The following IL15RA variants were observed in gnomAD, a reference collection of about 807,000 sequenced individuals.
The protein encoded by IL15RA is interleukin 15 receptor subunit alpha.
IL15RA carries 26 observed loss-of-function variants against 24.2 expected under a neutral mutation model. The observed-to-expected ratio is 1.07, with a 90% confidence interval of 0.79 to 1.49. The LOEUF (loss-of-function observed/expected upper bound fraction) is 1.49, where lower values mean the gene tolerates loss of function less well. Among genes scored for constraint, IL15RA ranks in the 40% most tolerant of loss-of-function variants. IL15RA has a pLI of 0.00. For missense variants in IL15RA, 354 were observed against 356.4 expected, an observed-to-expected ratio of 0.99 and a Z score of 0.05; for synonymous variants, 166 against 157.6, an observed-to-expected ratio of 1.05 and a Z score of -0.40.
chr10:5,966,085 C>T lies in IL15RA; in HGVS notation c.283+60G>A, dbSNP rs1564507143. ...CTTGACCCCTGAGATGGGGTCTTCT[C>T]TCTGTGCAGCCTTGGCAGGGTGGGG... is the stretch of plus-strand genomic sequence containing the variant. On this transcript the variant is annotated intron_variant, in intron 2 of 6. Coordinates refer to ENST00000379977, the MANE Select transcript of IL15RA (RefSeq NM_002189.4). This position sits in a 1 kb window ranked among gnomAD's most constrained non-coding sequence, Gnocchi z 6.4. The T allele has an allele frequency of 2.5e-6, 3 of 1,221,104 alleles. No homozygotes were observed. Among genetic ancestry groups the T allele is most frequent in the East Asian group, 2.4e-5 (1 of 42,032 alleles). The allele number at this position is 1,221,104 out of a possible 1,614,324, so 75.6% of individuals were successfully genotyped here. A position where few individuals can be genotyped will look rare whatever the true frequency, so the allele number is the denominator to read the frequency against.
rs745967046 is a variant in IL15RA at position 5,955,814 on chromosome 10, C to T, written c.692+565G>A. Among the ~76,000 whole-genome samples, 1 of 152,116 alleles carries T rather than the reference C, an allele frequency of 6.6e-6. No individual in the cohort carries two copies. Among genetic ancestry groups the T allele is most frequent in the African/African-American group, 2.4e-5 (1 of 41,440 alleles). ...CAAGAAGAATGGGTAGGACTGCACG[C>T]GTTGGCCACCTGGTGCACTTTCTCT... On this transcript the variant is annotated intron_variant, in intron 6 of 6. Coordinates refer to ENST00000379977, the MANE Select transcript of IL15RA (RefSeq NM_002189.4). The surrounding 1 kb of genome is among the most constrained non-coding windows in gnomAD (Gnocchi z 5.3).
chr10:5,961,659 G>A lies in IL15RA; in HGVS notation c.383-1092C>T, dbSNP rs148561550. On this transcript the variant is annotated intron_variant, in intron 3 of 6. Coordinates refer to ENST00000379977, the MANE Select transcript of IL15RA (RefSeq NM_002189.4). This position sits in a 1 kb window ranked among gnomAD's most constrained non-coding sequence, Gnocchi z 5.2. ...GAACAGAGGCTGCCTTGTGTTCAGC[G>A]TCTTCCCTGTCTTCCTTGTCCTTCC... Among the ~76,000 whole-genome samples the A allele has an allele frequency of 8.0e-4, 122 of 152,358 alleles. No homozygotes were observed. Among genetic ancestry groups the A allele is most frequent in the African/African-American group, 2.7e-3 (114 of 41,578 alleles).
chr10:5,978,435 C>T (rs981277929), upstream of IL15RA, among the ~76,000 whole-genome samples: 2 of 152,140 alleles, frequency 1.3e-5, no homozygotes, highest in African/African-American at 4.8e-5. This position sits in a 1 kb window ranked among gnomAD's most constrained non-coding sequence, Gnocchi z 5.2. Context: ...GAGACATCTC[C>T]AAGCCTCGGT....
chr10:5,968,379 T>C lies in IL15RA; in HGVS notation c.89-2040A>G, dbSNP rs1231375553. On this transcript the variant is annotated intron_variant, in intron 1 of 6. Transcript: ENST00000379977. The surrounding 1 kb of genome is among the most constrained non-coding windows in gnomAD (Gnocchi z 5.4). The stretch of plus-strand genomic sequence containing the variant: ...GAGGGGAGAAATCTCAAATTCAAGA[T>C]TGTTCTTTCCATTCAACTCCCATCC... 6.6e-6 allele frequency among the ~76,000 whole-genome samples: 1 copy of C among 152,064 alleles called. No individual in the cohort carries two copies. Among genetic ancestry groups the C allele is most frequent in the Non-Finnish European group, 1.5e-5 (1 of 68,006 alleles).
Position 5,964,411 on chromosome 10 carries a change from T to G in IL15RA, c.284-570A>C, listed in dbSNP as rs1267976711. Among the ~76,000 whole-genome samples, 1 of 152,054 alleles carries G rather than the reference T, an allele frequency of 6.6e-6. No individual in the cohort carries two copies. The highest frequency in any genetic ancestry group is 1.5e-5 in the Non-Finnish European group (1 of 67,990). ...CGAACTCCTGGTCTCAAGAAATCCCTCCCATCTCGGCCTCCCAAAGTGCTG... is the reference window on the plus strand; with the variant it reads ...CGAACTCCTGGTCTCAAGAAATCCCGCCCATCTCGGCCTCCCAAAGTGCTG... On this transcript the variant is annotated intron_variant, in intron 2 of 6. Coordinates refer to ENST00000379977, the MANE Select transcript of IL15RA (RefSeq NM_002189.4). The surrounding 1 kb of genome is among the most constrained non-coding windows in gnomAD (Gnocchi z 5.6).
In IL15RA at chr10:5,975,936, T is replaced by C. The variant is rs925999712; in HGVS notation, c.88+1469A>G. On this transcript the variant is annotated intron_variant, in intron 1 of 6. Coordinates refer to ENST00000379977, the MANE Select transcript of IL15RA (RefSeq NM_002189.4). This position sits in a 1 kb window ranked among gnomAD's most constrained non-coding sequence, Gnocchi z 4.8. ...GAAAGAAAAAGAAAAAGAAAAAACA[T>C]TGAGAGCTTTGGGAAGGGAAGGTAG... is the stretch of plus-strand genomic sequence containing the variant. 1.3e-5 allele frequency among the ~76,000 whole-genome samples: 2 copies of C among 151,822 alleles called. No homozygotes were observed. Among genetic ancestry groups the C allele is most frequent in the African/African-American group, 4.8e-5 (2 of 41,316 alleles).
In IL15RA at chr10:5,964,271, G is replaced by C. The variant is rs1169057664; in HGVS notation, c.284-430C>G. Among the ~76,000 whole-genome samples, 1 of 152,128 alleles carries C rather than the reference G, an allele frequency of 6.6e-6. No individual in the cohort carries two copies. The highest frequency in any genetic ancestry group is 1.5e-5 in the Non-Finnish European group (1 of 68,028). On this transcript the variant is annotated intron_variant, in intron 2 of 6. Transcript: ENST00000379977. The surrounding 1 kb of genome is among the most constrained non-coding windows in gnomAD (Gnocchi z 5.6). The stretch of plus-strand genomic sequence containing the variant: ...CCTCCCGGGCTCAAGAGATCCTCCT[G>C]CCTCAGTCTCCTGAGTAGCTGGGAC...
Position 5,964,998 on chromosome 10 carries a change from C to A in IL15RA, c.283+1147G>T, listed in dbSNP as rs1046704114. On this transcript the variant is annotated intron_variant, in intron 2 of 6. Coordinates refer to ENST00000379977, the MANE Select transcript of IL15RA (RefSeq NM_002189.4). This position sits in a 1 kb window ranked among gnomAD's most constrained non-coding sequence, Gnocchi z 5.6. The stretch of plus-strand genomic sequence containing the variant: ...AGGAGGCTGAGCTACCACTACCAAG[C>A]CAGTGGCAATGTCCAGCGCCTCAAG... Among the ~76,000 whole-genome samples, 2 of 152,184 alleles carry A rather than the reference C, an allele frequency of 1.3e-5. No individual in the cohort carries two copies. Among genetic ancestry groups the A allele is most frequent in the African/African-American group, 4.8e-5 (2 of 41,442 alleles).
downstream of IL15RA, chr10:5,949,305 A>T (rs1209941508): frequency 1.5e-5 from 7 of 471,116 alleles, no homozygotes; most frequent in Non-Finnish European, 3.1e-5. The surrounding 1 kb of genome is among the most constrained non-coding windows in gnomAD (Gnocchi z 4.4). Flanking sequence ...CTGAATAGCT[A>T]AGAACAGCAC....
In IL15RA at chr10:5,952,919, T is replaced by C; in HGVS notation, c.*176A>G. 1 of 619,602 alleles carries C rather than the reference T, an allele frequency of 1.6e-6. No individual in the cohort carries two copies. Among genetic ancestry groups the C allele is most frequent in the Non-Finnish European group, 2.9e-6 (1 of 346,096 alleles). The allele number at this position is 619,602 out of a possible 1,614,324, so 38.4% of individuals were successfully genotyped here. On this transcript the variant is annotated 3_prime_UTR_variant, in exon 7 of 7. Transcript: ENST00000379977. ...GGTGCCCATGGGAATGCGGAGAACC[T>C]GCTCCCTCGCGCAGGAGGCGCCGAC... is the stretch of plus-strand genomic sequence containing the variant.
Position 5,963,696 on chromosome 10 carries a change from G to T in IL15RA, c.382+47C>A, listed in dbSNP as rs767594407. 3 of 1,255,770 alleles carry T rather than the reference G, an allele frequency of 2.4e-6. No individual in the cohort carries two copies. The South Asian group carries it at 4.8e-5, about 20-fold the overall frequency. 77.8% of individuals were successfully genotyped at this position (1,255,770 alleles called of 1,614,324 possible). ...GCAGGATTGGTGAGCGGGCCTCTGG[G>T]TGTTGGGAGGGAATGAATGTCCTCG... On this transcript the variant is annotated intron_variant, in intron 3 of 6. Transcript: ENST00000379977. This position sits in a 1 kb window ranked among gnomAD's most constrained non-coding sequence, Gnocchi z 5.3.
chr10:5,969,729 T>C (rs1373599188), intron 1 of IL15RA, among the ~76,000 whole-genome samples: 1 of 152,240 alleles, frequency 6.6e-6, no homozygotes, highest in Non-Finnish European at 1.5e-5. Flanking sequence ...TTGATTGGAA[T>C]TCATTAAATT....
rs1346413148 is a variant in IL15RA, at chr10:5,964,304, A to G, written c.284-463T>C. Among the ~76,000 whole-genome samples the G allele has an allele frequency of 6.6e-6, 1 of 152,002 alleles. No individual in the cohort carries two copies. ...CTCCTGAGTAGCTGGGACTACATGTACGTGCCTCAATGCCCAGGTAATTTT... is the reference window on the plus strand; with the variant it reads ...CTCCTGAGTAGCTGGGACTACATGTGCGTGCCTCAATGCCCAGGTAATTTT... On this transcript the variant is annotated intron_variant, in intron 2 of 6. Transcript: ENST00000379977. This position sits in a 1 kb window ranked among gnomAD's most constrained non-coding sequence, Gnocchi z 5.6.
At chr10:5,951,989 C>T (rs1459237704), downstream of IL15RA, among the ~76,000 whole-genome samples, 5 of 152,164 alleles carry the variant, frequency 3.3e-5, no homozygotes, top group African/African-American at 7.2e-5. Context: ...CCAGCTCTGG[C>T]ATTAACCAAG....
Position 5,965,403 on chromosome 10 carries a change from C to T in IL15RA, c.283+742G>A, listed in dbSNP as rs1836340395. 6.6e-6 allele frequency among the ~76,000 whole-genome samples: 1 copy of T among 152,258 alleles called. No individual in the cohort carries two copies. Among genetic ancestry groups the T allele is most frequent in the Non-Finnish European group, 1.5e-5 (1 of 68,042 alleles). The stretch of plus-strand genomic sequence containing the variant: ...CTTCTCATGGGAAATCCAAACATTT[C>T]TCACACTAGCGTGCTCATGAGTGCC... On this transcript the variant is annotated intron_variant, in intron 2 of 6. Transcript: ENST00000379977. This position sits in a 1 kb window ranked among gnomAD's most constrained non-coding sequence, Gnocchi z 5.8.
intron 6 of IL15RA, among the ~76,000 whole-genome samples, chr10:5,954,186 T>TTTTTC (rs1554816722): frequency 2.5e-4 from 35 of 138,144 alleles, no homozygotes; most frequent in African/African-American, 3.0e-4. Flanking sequence ...TTTTTTTTTT[T>TTTTTC]TCTGAGACAG....
rs1834923792 is a variant in IL15RA, at chr10:5,958,513, G to A, written c.616+1241C>T. 6.6e-6 allele frequency among the ~76,000 whole-genome samples: 1 copy of A among 152,106 alleles called. No homozygotes were observed. The highest frequency in any genetic ancestry group is 1.5e-5 in the Non-Finnish European group (1 of 68,008). ...CAATTCTCCCACCTCAGCATCCCGAGTAGGTGGGACTACAGGCATGTGCCA... is the reference window on the plus strand; with the variant it reads ...CAATTCTCCCACCTCAGCATCCCGAATAGGTGGGACTACAGGCATGTGCCA... On this transcript the variant is annotated intron_variant, in intron 5 of 6. Transcript: ENST00000379977. The surrounding 1 kb of genome is among the most constrained non-coding windows in gnomAD (Gnocchi z 4.3).
chr10:5,978,316 T>G (rs573857271), upstream of IL15RA: 1 of 152,570 alleles, frequency 6.6e-6, no homozygotes, highest in East Asian at 1.9e-4. This position sits in a 1 kb window ranked among gnomAD's most constrained non-coding sequence, Gnocchi z 5.2. Context: ...ATCCTCCTCT[T>G]TGGCTGGTGG....
rs1437996261 is a variant in IL15RA at position 5,958,124 on chromosome 10, G to A, written c.616+1630C>T. 4.0e-6 allele frequency: 1 copy of A among 250,494 alleles called. No homozygotes were observed. The highest frequency in any genetic ancestry group is 2.2e-5 in the African/African-American group (1 of 45,124). 15.5% of individuals were successfully genotyped at this position (250,494 alleles called of 1,614,324 possible). On this transcript the variant is annotated intron_variant, in intron 5 of 6. Transcript: ENST00000379977. This position sits in a 1 kb window ranked among gnomAD's most constrained non-coding sequence, Gnocchi z 4.3. ...CAGATAGGGGGTTGGCTAAATTAATGGTAGGAATTCCATACAGTGGAATAT... is the reference window on the plus strand; with the variant it reads ...CAGATAGGGGGTTGGCTAAATTAATAGTAGGAATTCCATACAGTGGAATAT...
Sources: gnomAD v4.1 joint callset for allele counts (sites outside exome capture counted in the v4.1 genomes callset) on GRCh38, gnomAD v4.1.1 for gene constraint, Gnocchi (gnomAD v3.1) non-coding constraint, MANE v1.5 for transcripts, NCBI Gene and HGNC (gene_info 2026-07-23, HGNC 2026-07-21) for gene names.